EYA1: variants seen among roughly 807,000 people sequenced by gnomAD.
The protein encoded by EYA1 is EYA transcriptional coactivator and phosphatase 1.
Under a neutral mutation model 82.0 loss-of-function variants are expected in EYA1, and 16 were observed. That is an observed-to-expected ratio of 0.20 (90% CI 0.13 to 0.30). The LOEUF (loss-of-function observed/expected upper bound fraction) is 0.30, where lower values mean the gene tolerates loss of function less well. EYA1 is among the 10% of genes least tolerant of loss of function. The probability of loss-of-function intolerance (pLI) is 1.00; values close to 1 mark genes in which losing one functional copy is unlikely to be tolerated. For synonymous variants in EYA1, 261 were observed against 264.4 expected, an observed-to-expected ratio of 0.99 and a Z score of 0.12; for missense variants, 633 against 730.7, an observed-to-expected ratio of 0.87 and a Z score of 1.54.
At chr8:71,396,990 T>C (rs570465286) in intron 2 of EYA1, among the ~76,000 whole-genome samples, 45 of 152,382 alleles carry the variant, frequency 3.0e-4, no homozygotes, top group African/African-American at 1.1e-3. Flanking sequence ...GATGCATATA[T>C]ATTTAGCATA....
intron 2 of EYA1, among the ~76,000 whole-genome samples, chr8:71,487,515 C>T (rs1203349595): frequency 1.3e-5 from 2 of 152,118 alleles, no homozygotes; most frequent in East Asian, 1.9e-4. Flanking sequence ...AAGTTCTTGC[C>T]AGAGAATATT....
intron 12 of EYA1, among the ~76,000 whole-genome samples, chr8:71,243,736 T>A (rs764332469): frequency 1.3e-5 from 2 of 152,200 alleles, no homozygotes; most frequent in African/African-American, 2.4e-5. Context: ...AAGGGAAACA[T>A]CAGGAAATAT....
intron 1 of EYA1, chr8:71,356,753 A>G (rs1172725593): frequency 1.2e-5 from 14 of 1,204,366 alleles, no homozygotes; most frequent in Non-Finnish European, 1.4e-5. Context: ...ATGACGTGAT[A>G]GTGATTCATC....
intron 17 of EYA1, among the ~76,000 whole-genome samples, chr8:71,207,085 A>G (rs1005888016): frequency 6.6e-6 from 1 of 152,166 alleles, no homozygotes; most frequent in African/African-American, 2.4e-5. Flanking sequence ...ATTATGATTA[A>G]TCCTACAGCA....
At chr8:71,226,306 C>T (rs1226424219) in intron 12 of EYA1, among the ~76,000 whole-genome samples, 1 of 151,954 alleles carries the variant, frequency 6.6e-6, no homozygotes, top group Non-Finnish European at 1.5e-5. Context: ...GTGTGGCTTA[C>T]AGAATCCCAA....
intron 2 of EYA1, among the ~76,000 whole-genome samples, chr8:71,420,243 G>A (rs961154154): frequency 2.6e-5 from 4 of 152,172 alleles, no homozygotes; most frequent in African/African-American, 9.6e-5. Flanking sequence ...CTAATGGTCT[G>A]GGGATACTAT....
intron 2 of EYA1, among the ~76,000 whole-genome samples, chr8:71,477,322 A>T (rs1168898787): frequency 6.6e-6 from 1 of 152,182 alleles, no homozygotes; most frequent in Non-Finnish European, 1.5e-5. Context: ...CATTTCTCTG[A>T]TAAGGACTTA....
intron 12 of EYA1, among the ~76,000 whole-genome samples, chr8:71,239,878 C>T (rs1812270030): frequency 6.6e-6 from 1 of 152,178 alleles, no homozygotes; most frequent in Non-Finnish European, 1.5e-5. Flanking sequence ...GAGAAATCAA[C>T]TTCTGAATCG....
intron 2 of EYA1, among the ~76,000 whole-genome samples, chr8:71,392,485 T>C (rs1829336199): frequency 6.6e-6 from 1 of 152,184 alleles, no homozygotes; most frequent in African/African-American, 2.4e-5. Flanking sequence ...CTGCTTATGA[T>C]TACATTTCAG....
intron 2 of EYA1, chr8:71,449,224 T>G (rs1208838947): frequency 6.3e-6 from 1 of 158,106 alleles, no homozygotes; most frequent in Non-Finnish European, 1.4e-5. Context: ...AGACATTGTC[T>G]TCAATATATG....
intron 2 of EYA1, among the ~76,000 whole-genome samples, chr8:71,491,230 A>G (rs1810975577): frequency 6.6e-6 from 1 of 152,184 alleles, no homozygotes; most frequent in Non-Finnish European, 1.5e-5. Context: ...TCTGCATTTC[A>G]TTGTGTTCTC....
chr8:71,231,888 A>G (rs1387052688), intron 12 of EYA1, among the ~76,000 whole-genome samples: 2 of 152,250 alleles, frequency 1.3e-5, no homozygotes, highest in East Asian at 3.9e-4. Context: ...TTTGTAAGAC[A>G]CAGTGAGAAA....
At chr8:71,547,757 GGCGGGGCGGCCGA>G (rs963045812) in intron 1 of EYA1, 1 of 150,858 alleles carries the variant, frequency 6.6e-6, no homozygotes, top group African/African-American at 2.4e-5. Flanking sequence ...GGCAGAAGCC[GGCGGGGCGGCCGA>G]GCGGGGCGGG....
rs200444787 is a variant in EYA1, at chr8:71,219,979, T to A, written c.1141-2956A>T. 1.4e-4 allele frequency among the ~76,000 whole-genome samples: 22 copies of A among 152,238 alleles called. No homozygotes were observed. The East Asian group carries it at 3.9e-3, about 27-fold the overall frequency. The stretch of plus-strand genomic sequence containing the variant: ...TTTGTTTAAAACCCAGACAATGAGA[T>A]AACTGAGGGAGGGTGCAGGGCCTGA... On this transcript the variant is annotated intron_variant, in intron 12 of 17. Transcript: ENST00000340726.
intron 2 of EYA1, among the ~76,000 whole-genome samples, chr8:71,460,344 G>C (rs1376803145): frequency 6.6e-6 from 1 of 152,180 alleles, no homozygotes; most frequent in Non-Finnish European, 1.5e-5. Flanking sequence ...GGTTTTAAAA[G>C]TTTCCAGATG....
chr8:71,463,611 CTCTCTCT>C (rs1808546540), intron 2 of EYA1, among the ~76,000 whole-genome samples: 1 of 138,696 alleles, frequency 7.2e-6, no homozygotes, highest in African/African-American at 2.8e-5. Context: ...CTCTCTCTCT[CTCTCTCT>C]CTCTCTCTCT....
At chr8:71,201,305 T>C (rs1369343269) in intron 17 of EYA1, among the ~76,000 whole-genome samples, 1 of 143,470 alleles carries the variant, frequency 7.0e-6, no homozygotes, top group African/African-American at 2.6e-5. Context: ...TGGTAAGGAG[T>C]GAAGCCAAGA....
intron 3 of EYA1, among the ~76,000 whole-genome samples, chr8:71,346,941 A>G (rs770199730): frequency 1.2e-4 from 19 of 152,280 alleles, no homozygotes; most frequent in Non-Finnish European, 2.5e-4. Context: ...TTTATTGCCA[A>G]TCCTCCCATT....
chr8:71,321,980 C>T, intron 5 of EYA1, 101 bp from the exon 6 acceptor site: 1 of 1,506,570 alleles, frequency 6.6e-7, no homozygotes, highest in South Asian at 1.1e-5. Context: ...AATATTGTAT[C>T]TTAAAGTAAA....
Sources: gnomAD v4.1 joint callset for allele counts (sites outside exome capture counted in the v4.1 genomes callset) on GRCh38, gnomAD v4.1.1 for gene constraint, MANE v1.5 for transcripts, NCBI Gene and HGNC (gene_info 2026-07-23, HGNC 2026-07-21) for gene names.